ANKRD44: variants seen among roughly 807,000 people sequenced by gnomAD.
ANKRD44 encodes serine/threonine-protein phosphatase 6 regulatory ankyrin repeat subunit B.
ANKRD44 carries 35 observed loss-of-function variants against 116.0 expected under a neutral mutation model. The observed-to-expected ratio is 0.30, with a 90% CI of 0.23 to 0.40. The LOEUF (loss-of-function observed/expected upper bound fraction) is 0.40. ANKRD44 is among the 10% of genes least tolerant of loss of function. The pLI, the probability that ANKRD44 is intolerant of heterozygous loss-of-function variation, is 1.00. For synonymous variants in ANKRD44, 435 were observed against 461.8 expected (o/e 0.94, Z 0.74); for missense variants, 1,014 against 1,242.6 (o/e 0.82, Z 2.77).
At chr2:197,052,093 A>G (rs2077118851) in intron 16 of ANKRD44, among the ~76,000 whole-genome samples, 1 of 152,178 alleles carries the variant, frequency 6.6e-6, no homozygotes, top group Non-Finnish European at 1.5e-5. Context: ...GAGTACCCCA[A>G]TATATTCTCA....
intron 1 of ANKRD44, among the ~76,000 whole-genome samples, chr2:197,268,992 A>G (rs2082815757): frequency 6.6e-6 from 1 of 152,190 alleles, no homozygotes; most frequent in Non-Finnish European, 1.5e-5. Flanking sequence ...GGGGAAAAAT[A>G]TGACTCAGAT....
intron 2 of ANKRD44, among the ~76,000 whole-genome samples, chr2:197,177,235 T>C (rs2080387049): frequency 1.3e-5 from 2 of 152,300 alleles, no homozygotes; most frequent in African/African-American, 4.8e-5. Flanking sequence ...AAGTAAAAGG[T>C]ATCTGAAAAG....
intron 1 of ANKRD44, among the ~76,000 whole-genome samples, chr2:197,273,979 AAATATATATATATATATATATATATAT>A (rs2082987869): frequency 2.0e-5 from 1 of 49,996 alleles, no homozygotes; most frequent in African/African-American, 8.1e-5. Context: ...AAAAAAAAAA[AAATATATATATATATATATATATATAT>A]ATATATATAT....
rs995428538 is a variant in ANKRD44, at chr2:197,256,016, A to T, written c.27+54562T>A. On this transcript the variant is annotated intron_variant, in intron 1 of 27. Transcript: ENST00000282272. ...ATTGTTTGGAGGGGATTCTTAAGAT[A>T]CTCTGAATTTATACTTTCTTAACAG... 3.3e-5 allele frequency among the ~76,000 whole-genome samples: 5 copies of T among 152,310 alleles called. No homozygotes were observed. In the East Asian group the frequency reaches 9.6e-4, roughly 29 times the overall value.
At chr2:197,027,282 AG>A (rs2076613417) in intron 16 of ANKRD44, among the ~76,000 whole-genome samples, 2 of 152,300 alleles carry the variant, frequency 1.3e-5, no homozygotes, top group Admixed American at 1.3e-4. Context: ...GGACGGCTTT[AG>A]CCCGGGAGGT....
chr2:197,234,218 G>T (rs1240696511), intron 1 of ANKRD44, among the ~76,000 whole-genome samples: 1 of 149,208 alleles, frequency 6.7e-6, no homozygotes, highest in African/African-American at 2.5e-5. Flanking sequence ...TTTGAGACAG[G>T]GACTTACTTA....
chr2:197,155,419 T>C (rs546222847), intron 2 of ANKRD44, among the ~76,000 whole-genome samples: 1 of 152,354 alleles, frequency 6.6e-6, no homozygotes, highest in South Asian at 2.1e-4. Context: ...ATTAGCATGC[T>C]TGCCCTAAAT....
chr2:197,267,984 G>A (rs2082785996), intron 1 of ANKRD44, among the ~76,000 whole-genome samples: 1 of 152,246 alleles, frequency 6.6e-6, no homozygotes, highest in African/African-American at 2.4e-5. Flanking sequence ...GGGTCAGGCT[G>A]GAGCTCCTTA....
chr2:197,122,851 A>G, intron 6 of ANKRD44, 59 bp from the exon 7 acceptor site: 1 of 1,567,100 alleles, frequency 6.4e-7, no homozygotes, highest in Non-Finnish European at 8.7e-7. Flanking sequence ...TTGCTGATTC[A>G]TTTCACCTAA....
At chr2:197,196,030 T>C (rs2080940005) in intron 1 of ANKRD44, among the ~76,000 whole-genome samples, 1 of 152,230 alleles carries the variant, frequency 6.6e-6, no homozygotes, top group African/African-American at 2.4e-5. Flanking sequence ...ATACAGAACA[T>C]TTAAATCCAT....
rs1275892846 is a variant in ANKRD44, at chr2:196,988,652, T to C, written c.*939A>G. ...AACATTATTTTTGAAATATCTCACA[T>C]ACACTATAAAATAGCAATTTCCAGG... is the stretch of plus-strand genomic sequence containing the variant. On this transcript the variant is annotated 3_prime_UTR_variant, in exon 28 of 28. Transcript: ENST00000282272. 3 of 985,070 alleles carry C rather than the reference T, an allele frequency of 3.0e-6. No individual in the cohort carries two copies. In the African/African-American group the frequency reaches 5.2e-5, roughly 17 times the overall value. 61.0% of individuals were successfully genotyped at this position (985,070 alleles called of 1,614,324 possible). A position where few individuals can be genotyped will look rare whatever the true frequency, so the allele number is the denominator to read the frequency against.
intron 2 of ANKRD44, among the ~76,000 whole-genome samples, chr2:197,157,275 G>A (rs1330351844): frequency 6.6e-6 from 1 of 152,106 alleles, no homozygotes; most frequent in Non-Finnish European, 1.5e-5. Flanking sequence ...ACCAATAGTG[G>A]GTTAATTTAG....
chr2:197,050,322 C>T (rs368638122), intron 16 of ANKRD44, among the ~76,000 whole-genome samples: 1 of 152,192 alleles, frequency 6.6e-6, no homozygotes, highest in Non-Finnish European at 1.5e-5. Context: ...CAATTGAACA[C>T]GAGATTTGAG....
chr2:197,279,756 G>T (rs1257020097), intron 1 of ANKRD44, among the ~76,000 whole-genome samples: 2 of 152,094 alleles, frequency 1.3e-5, no homozygotes. Context: ...TTCCTGCCTG[G>T]ATGTGCTCAC....
chr2:197,078,069 T>G (rs998301714), intron 16 of ANKRD44: 1 of 152,290 alleles, frequency 6.6e-6, no homozygotes, highest in Non-Finnish European at 1.5e-5. Flanking sequence ...GTTTCTAGAC[T>G]ATGAAGGATT....
intron 1 of ANKRD44, among the ~76,000 whole-genome samples, chr2:197,234,827 C>G (rs2081944871): frequency 6.6e-6 from 1 of 152,300 alleles, no homozygotes; most frequent in East Asian, 1.9e-4. Flanking sequence ...CCTTCCTGCC[C>G]CAGTTGCCTA....
intron 3 of ANKRD44, among the ~76,000 whole-genome samples, chr2:197,138,837 G>A (rs958745408): frequency 3.3e-5 from 5 of 152,128 alleles, no homozygotes; most frequent in Admixed American, 1.3e-4. Flanking sequence ...TTTTATTATA[G>A]TCTTTGGCAG....
chr2:197,049,530 G>A (rs1008442114), intron 16 of ANKRD44, among the ~76,000 whole-genome samples: 8 of 152,090 alleles, frequency 5.3e-5, no homozygotes, highest in Admixed American at 4.6e-4. Flanking sequence ...CTATACTGTG[G>A]AGGAAACACA....
rs548309105 is a variant in ANKRD44 at position 196,995,387 on chromosome 2, T to G, written c.2823A>C (p.Ala941=). Residue 941 remains alanine (A), a synonymous_variant, in exon 26 of 28, where the codon GCA becomes GCC. Transcript: ENST00000282272. ...DESLINEKNN[A]LQTPLHVAAR... is the part of the protein sequence containing the mutation. Reference sequence around the variant, plus strand: ...TTAGTAGTTACACTTACGTCTGCAGTGCATTATTTTTTTCATTAATAAGGC... The same window carrying G: ...TTAGTAGTTACACTTACGTCTGCAGGGCATTATTTTTTTCATTAATAAGGC... 1 of 1,611,418 alleles carries G rather than the reference T, an allele frequency of 6.2e-7. No homozygotes were observed. The highest frequency in any genetic ancestry group is 1.7e-5 in the Admixed American group (1 of 59,796).
Sources: allele counts gnomAD v4.1 joint callset (sites outside exome capture counted in the v4.1 genomes callset), GRCh38; gene constraint gnomAD v4.1.1; transcripts MANE v1.5; gene names NCBI Gene and HGNC (gene_info 2026-07-23, HGNC 2026-07-21).